Variants in SLC38A11 observed in about 807,000 individuals in gnomAD.
SLC38A11 encodes the protein putative sodium-coupled neutral amino acid transporter 11.
Under a neutral mutation model 49.4 loss-of-function variants are expected in SLC38A11, and 51 were observed. The ratio of observed to expected loss-of-function variants is 1.03; its 90% confidence interval spans 0.83 to 1.30. The LOEUF (loss-of-function observed/expected upper bound fraction) is 1.30. Ranked by LOEUF, SLC38A11 falls within the 50% of genes most tolerant of loss-of-function variation. The probability of loss-of-function intolerance (pLI) is 0.00; values close to 1 mark genes in which losing one functional copy is unlikely to be tolerated. For synonymous variants in SLC38A11, 203 were observed against 192.9 expected (o/e 1.05, Z -0.43); for missense variants, 574 against 556.2 (o/e 1.03, Z -0.32).
At chr2:164,936,342 G>T (rs1461946803) in intron 7 of SLC38A11, among the ~76,000 whole-genome samples, 1 of 151,980 alleles carries the variant, frequency 6.6e-6, no homozygotes. Context: ...TCTATCAGTG[G>T]AAAATGAATT....
chr2:164,942,201 C>G (rs1349121760), intron 5 of SLC38A11, among the ~76,000 whole-genome samples: 1 of 152,028 alleles, frequency 6.6e-6, no homozygotes, highest in East Asian at 1.9e-4. Context: ...ATAATCCCAA[C>G]ACTTTGGGAG....
chr2:164,922,484 C>T (rs1686274700), intron 7 of SLC38A11, among the ~76,000 whole-genome samples: 1 of 152,174 alleles, frequency 6.6e-6, no homozygotes, highest in Non-Finnish European at 1.5e-5. Flanking sequence ...TGATTCTGTT[C>T]TATAGACAAA....
rs200284770 is a variant in SLC38A11 at position 164,947,117 on chromosome 2, CTTTTTTTTTTTTT to C, written c.230-1403_230-1391del. Among the ~76,000 whole-genome samples, 389 of 72,910 alleles carry C rather than the reference CTTTTTTTTTTTTT, an allele frequency of 5.3e-3. 5 individuals are homozygous for C. The highest frequency in any genetic ancestry group is 0.026 in the African/African-American group (342 of 12,994). The allele number at this position is 72,910 out of a possible 152,430, so 47.8% of individuals were successfully genotyped here. ...CCTGGATTCTTGGACTTTTTTATCT[CTTTTTTTTTTTTT>C]TTTTTTTTTTTTTTTTTTTGAGATA... On this transcript the variant is annotated intron_variant, in intron 3 of 11. Transcript: ENST00000685975.
intron 7 of SLC38A11, among the ~76,000 whole-genome samples, chr2:164,924,089 C>T (rs917412644): frequency 2.0e-5 from 3 of 151,996 alleles, no homozygotes; most frequent in African/African-American, 4.8e-5. Context: ...CAGTGGATTG[C>T]ATAAAGAAAA....
Position 164,939,596 on chromosome 2 carries a change from G to A in SLC38A11, c.431-40C>T. On this transcript the variant is annotated intron_variant, in intron 5 of 11. Coordinates refer to ENST00000685975, the MANE Select transcript of SLC38A11 (RefSeq NM_001351537.2). ...ATATTATTAAATGTTACAGGTATAA[G>A]TAACACATTGGTGACACACTAAATA... 3 of 1,368,072 alleles carry A rather than the reference G, an allele frequency of 2.2e-6. 1 individual carries two copies. The allele number at this position is 1,368,072 out of a possible 1,614,324, so 84.7% of individuals were successfully genotyped here.
chr2:164,900,571 G>T (rs532398685), intron 11 of SLC38A11, among the ~76,000 whole-genome samples: 2 of 151,802 alleles, frequency 1.3e-5, no homozygotes, highest in African/African-American at 4.8e-5. Flanking sequence ...GCACTTTTTC[G>T]TATACCTGTT....
chr2:164,927,665 C>T (rs1017160256), intron 7 of SLC38A11, among the ~76,000 whole-genome samples: 6 of 152,186 alleles, frequency 3.9e-5, no homozygotes, highest in East Asian at 1.9e-4. Flanking sequence ...ACCAACTTCC[C>T]GTCCCCCATG....
At chr2:164,925,621 T>C (rs957000834) in intron 7 of SLC38A11, among the ~76,000 whole-genome samples, 3 of 152,146 alleles carry the variant, frequency 2.0e-5, no homozygotes, top group African/African-American at 7.2e-5. Context: ...TTCCAGATCA[T>C]CTTCCCTTCC....
intron 3 of SLC38A11, among the ~76,000 whole-genome samples, chr2:164,952,068 C>T (rs983197821): frequency 4.6e-5 from 7 of 151,754 alleles, no homozygotes; most frequent in Non-Finnish European, 7.4e-5. Flanking sequence ...AAGGCGGGGA[C>T]GAGGACAACA....
At chr2:164,947,294 G>A (rs1688199055) in intron 3 of SLC38A11, among the ~76,000 whole-genome samples, 3 of 151,664 alleles carry the variant, frequency 2.0e-5, no homozygotes. Flanking sequence ...ACCATGCCTG[G>A]CTAATTTTTG....
At chr2:164,947,939 C>T (rs946983709) in intron 3 of SLC38A11, among the ~76,000 whole-genome samples, 4 of 152,168 alleles carry the variant, frequency 2.6e-5, no homozygotes, top group African/African-American at 7.2e-5. Flanking sequence ...CCAACAAAGA[C>T]ACCTTTGATT....
At chr2:164,931,098 A>G (rs562567853) in intron 7 of SLC38A11, among the ~76,000 whole-genome samples, 20 of 152,144 alleles carry the variant, frequency 1.3e-4, no homozygotes, top group Non-Finnish European at 2.4e-4. Flanking sequence ...TAGCACTCCT[A>G]TAAACCAACA....
At chr2:164,922,700 CA>C (rs1474484165) in intron 7 of SLC38A11, among the ~76,000 whole-genome samples, 1 of 152,142 alleles carries the variant, frequency 6.6e-6, no homozygotes, top group African/African-American at 2.4e-5. Context: ...TATCCAACAT[CA>C]TTTTTTAAAT....
intron 3 of SLC38A11, among the ~76,000 whole-genome samples, chr2:164,948,601 A>C (rs939686957): frequency 1.3e-5 from 2 of 152,196 alleles, no homozygotes; most frequent in African/African-American, 4.8e-5. Flanking sequence ...TGCCTAAGTC[A>C]TTTTAACCTA....
At chr2:164,906,825 C>T (rs1157982145) in intron 11 of SLC38A11, among the ~76,000 whole-genome samples, 1 of 152,168 alleles carries the variant, frequency 6.6e-6, no homozygotes, top group Non-Finnish European at 1.5e-5. Context: ...ACAAGAAAGT[C>T]CCCAGTAGGG....
intron 11 of SLC38A11, among the ~76,000 whole-genome samples, chr2:164,901,834 A>C (rs1429858544): frequency 6.6e-6 from 1 of 151,896 alleles, no homozygotes; most frequent in Non-Finnish European, 1.5e-5. Flanking sequence ...CTTTTATTGG[A>C]TCTTAGGAGA....
Position 164,907,348 on chromosome 2 carries a change from A to G in SLC38A11, c.1095+1292T>C, listed in dbSNP as rs531399763. 8.5e-4 allele frequency among the ~76,000 whole-genome samples: 114 copies of G among 134,442 alleles called. 1 individual carries two copies. The Middle Eastern group carries it at 0.028, about 32-fold the overall frequency. 88.2% of individuals were successfully genotyped at this position (134,442 alleles called of 152,430 possible). On this transcript the variant is annotated intron_variant, in intron 11 of 11. Transcript: ENST00000685975. ...GAGTGCAGTGGTGCCATCTCAGCTC[A>G]CTGAAACCTCTACCTCCTGGGCTCA...
chr2:164,902,811 A>C (rs537272434), intron 11 of SLC38A11, among the ~76,000 whole-genome samples: 3 of 152,340 alleles, frequency 2.0e-5, no homozygotes, highest in African/African-American at 7.2e-5. Context: ...GTCCAGAGAA[A>C]GAATAGTAGG....
intron 7 of SLC38A11, among the ~76,000 whole-genome samples, chr2:164,928,989 T>C (rs954254354): frequency 6.6e-6 from 1 of 152,146 alleles, no homozygotes; most frequent in South Asian, 2.1e-4. Context: ...ATGTCACATG[T>C]TCAATATATC....
Sources: allele counts gnomAD v4.1 joint callset (sites outside exome capture counted in the v4.1 genomes callset), GRCh38; gene constraint gnomAD v4.1.1; transcripts MANE v1.5; gene names NCBI Gene and HGNC (gene_info 2026-07-23, HGNC 2026-07-21).